Variants in GRID2 observed in about 807,000 individuals in gnomAD.
The protein encoded by GRID2 is glutamate ionotropic receptor delta type subunit 2, also known as glutamate receptor ionotropic, delta-2.
GRID2 carries 33 observed loss-of-function variants against 114.8 expected under a neutral mutation model. The observed-to-expected ratio is 0.29, with a 90% confidence interval of 0.22 to 0.38. The LOEUF (loss-of-function observed/expected upper bound fraction) is 0.38. Among genes scored for constraint, GRID2 ranks in the 10% least tolerant of loss-of-function variants. GRID2 has a pLI of 1.00. For missense variants in GRID2, 1,184 were observed against 1,257.7 expected, an observed-to-expected ratio of 0.94 and a Z score of 0.89; for synonymous variants, 505 against 449.9, an observed-to-expected ratio of 1.12 and a Z score of -1.55.
chr4:92,335,294 G>A (rs1727107424), intron 1 of GRID2, among the ~76,000 whole-genome samples: 1 of 152,158 alleles, frequency 6.6e-6, no homozygotes, highest in Admixed American at 6.6e-5. Context: ...GACACTTGCT[G>A]TGTGACCTAC....
chr4:93,106,777 A>C (rs547248629), intron 3 of GRID2, among the ~76,000 whole-genome samples: 1 of 152,200 alleles, frequency 6.6e-6, no homozygotes, highest in African/African-American at 2.4e-5. Flanking sequence ...CCTGCATTCC[A>C]TGAGTCTGCC....
intron 2 of GRID2, among the ~76,000 whole-genome samples, chr4:93,011,753 G>A (rs1722195404): frequency 6.6e-6 from 1 of 152,034 alleles, no homozygotes; most frequent in South Asian, 2.1e-4. Context: ...CTGGGAGATG[G>A]CTTAGTTTTT....
rs1726916063 is a variant in GRID2 at position 93,490,760 on chromosome 4, C to T, written c.1980C>T (p.Arg660=). 3.1e-6 allele frequency: 5 copies of T among 1,606,856 alleles called. No homozygotes were observed. The highest frequency in any genetic ancestry group is 4.3e-6 in the Non-Finnish European group (5 of 1,175,364). ...ANLAAFLTIT[R]IESSIQSLQD... is the part of the protein sequence containing the mutation. Reference sequence around the variant, plus strand: ...TCGCTGCTTTCCTCACTATTACACGCATTGAAAGTTCCATCCAGTAAGTAA... The same window carrying T: ...TCGCTGCTTTCCTCACTATTACACGTATTGAAAGTTCCATCCAGTAAGTAA... Residue 660 remains arginine, a synonymous_variant, in exon 12 of 16, where the codon CGC becomes CGT. Transcript: ENST00000282020.
At chr4:92,951,801 A>AATTAT (rs143612912) in intron 2 of GRID2, among the ~76,000 whole-genome samples, 3,261 of 152,248 alleles carry the variant, frequency 0.021, 56 homozygotes, top group East Asian at 0.054. Flanking sequence ...TCTAAATTGA[A>AATTAT]ATTATATATG....
intron 1 of GRID2, among the ~76,000 whole-genome samples, chr4:92,566,390 A>G (rs1727337861): frequency 6.6e-6 from 1 of 151,958 alleles, no homozygotes; most frequent in African/African-American, 2.4e-5. Context: ...CCAACAACGA[A>G]AAAGGGGGAC....
chr4:93,101,087 G>C (rs1425013190), intron 3 of GRID2, among the ~76,000 whole-genome samples: 2 of 151,946 alleles, frequency 1.3e-5, no homozygotes, highest in Non-Finnish European at 2.9e-5. Context: ...ACAGTGCTTG[G>C]CACATGGTAA....
chr4:92,998,681 T>A (rs1257384029), intron 2 of GRID2, among the ~76,000 whole-genome samples: 1 of 151,744 alleles, frequency 6.6e-6, no homozygotes, highest in East Asian at 1.9e-4. Context: ...ATAGCTCTTG[T>A]CAGATTTTTT....
At chr4:92,653,919 A>G (rs1732101766) in intron 2 of GRID2, among the ~76,000 whole-genome samples, 1 of 152,130 alleles carries the variant, frequency 6.6e-6, no homozygotes, top group African/African-American at 2.4e-5. Context: ...TGTAGCTTAG[A>G]TATCCTATGT....
At chr4:92,853,310 A>G (rs1380175029) in intron 2 of GRID2, among the ~76,000 whole-genome samples, 2 of 152,090 alleles carry the variant, frequency 1.3e-5, no homozygotes, top group Non-Finnish European at 2.9e-5. Context: ...TCTAACATGG[A>G]TATAAACACA....
chr4:93,502,205 G>A (rs934412128), intron 12 of GRID2, among the ~76,000 whole-genome samples: 4 of 152,080 alleles, frequency 2.6e-5, no homozygotes, highest in East Asian at 3.9e-4. Flanking sequence ...TTAGGTTCAA[G>A]TCTCTTTTCT....
intron 14 of GRID2, among the ~76,000 whole-genome samples, chr4:93,764,936 C>T (rs533785503): frequency 5.3e-5 from 8 of 151,996 alleles, no homozygotes; most frequent in Non-Finnish European, 1.2e-4. Flanking sequence ...CATACATACG[C>T]GCACACACAC....
At chr4:93,384,873 G>A (rs1054558976) in intron 8 of GRID2, among the ~76,000 whole-genome samples, 5 of 152,146 alleles carry the variant, frequency 3.3e-5, no homozygotes, top group Non-Finnish European at 7.3e-5. Context: ...ACAGATATGG[G>A]AAGCATATTT....
At chr4:93,655,409 A>G (rs1376556695) in intron 14 of GRID2, among the ~76,000 whole-genome samples, 1 of 152,146 alleles carries the variant, frequency 6.6e-6, no homozygotes, top group Non-Finnish European at 1.5e-5. Flanking sequence ...GTAATATTCA[A>G]GAAATTATGC....
At chr4:92,492,587 A>G (rs1189641593) in intron 1 of GRID2, among the ~76,000 whole-genome samples, 4 of 152,092 alleles carry the variant, frequency 2.6e-5, no homozygotes, top group Non-Finnish European at 4.4e-5. Flanking sequence ...CAAAGCCTTT[A>G]TGTAGTTTCA....
At chr4:92,528,220 G>C (rs1725138568) in intron 1 of GRID2, among the ~76,000 whole-genome samples, 1 of 151,274 alleles carries the variant, frequency 6.6e-6, no homozygotes, top group Non-Finnish European at 1.5e-5. Flanking sequence ...AACAAAATAA[G>C]TGTATGTACA....
chr4:92,623,084 T>TA lies in GRID2; in HGVS notation c.244+32804dup, dbSNP rs1730350154. Among the ~76,000 whole-genome samples, 6 of 151,800 alleles carry TA rather than the reference T, an allele frequency of 4.0e-5. No homozygotes were observed. In the South Asian group the frequency reaches 1.2e-3, roughly 31 times the overall value. ...TTTAAATCAACTTTAAATTGGTCTATAAAAAACTAATAAAATTTCAAAGAT... is the reference window on the plus strand; with the variant it reads ...TTTAAATCAACTTTAAATTGGTCTATAAAAAAACTAATAAAATTTCAAAGAT... On this transcript the variant is annotated intron_variant, in intron 2 of 15. Coordinates refer to ENST00000282020, the MANE Select transcript of GRID2 (RefSeq NM_001510.4).
intron 8 of GRID2, among the ~76,000 whole-genome samples, chr4:93,360,706 A>C (rs1323794744): frequency 6.6e-6 from 1 of 151,928 alleles, no homozygotes; most frequent in Non-Finnish European, 1.5e-5. Flanking sequence ...ATTTAAGAGC[A>C]TGCTATATTC....
intron 14 of GRID2, among the ~76,000 whole-genome samples, chr4:93,636,196 G>A (rs1006377009): frequency 1.3e-5 from 2 of 152,108 alleles, no homozygotes; most frequent in African/African-American, 4.8e-5. Context: ...TGGATAATAA[G>A]CCCATGATGC....
chr4:92,957,849 C>T (rs1290037318), intron 2 of GRID2, among the ~76,000 whole-genome samples: 1 of 151,758 alleles, frequency 6.6e-6, no homozygotes, highest in Non-Finnish European at 1.5e-5. Flanking sequence ...TGTAGTTTTC[C>T]TCATATAGAT....
Sources: allele counts gnomAD v4.1 joint callset (sites outside exome capture counted in the v4.1 genomes callset), GRCh38; gene constraint gnomAD v4.1.1; transcripts MANE v1.5; gene names NCBI Gene and HGNC (gene_info 2026-07-23, HGNC 2026-07-21).